DOCK1: variants seen among roughly 807,000 people sequenced by gnomAD.
DOCK1 encodes dedicator of cytokinesis 1.
Under a neutral mutation model 262.7 loss-of-function variants are expected in DOCK1, and 138 were observed. That is an observed-to-expected ratio of 0.53 (90% CI 0.46 to 0.61). The LOEUF is 0.61. Ranked by LOEUF, DOCK1 falls within the 20% of genes least tolerant of loss-of-function variation. The probability of loss-of-function intolerance (pLI) is 0.00; values close to 1 mark genes in which losing one functional copy is unlikely to be tolerated. For synonymous variants in DOCK1, 866 were observed against 867.4 expected (o/e 1.00, Z 0.03); for missense variants, 1,908 against 2,370.7 (o/e 0.80, Z 4.05).
chr10:127,378,874 G>C (rs897576500), intron 35 of DOCK1, among the ~76,000 whole-genome samples: 9 of 152,222 alleles, frequency 5.9e-5, no homozygotes, highest in Non-Finnish European at 1.3e-4. Flanking sequence ...TAAAGTGTCA[G>C]AGGCAACAGA....
chr10:127,156,001 A>G (rs1274604656), intron 27 of DOCK1, among the ~76,000 whole-genome samples: 1 of 152,216 alleles, frequency 6.6e-6, no homozygotes. Flanking sequence ...ACTTGTCTAT[A>G]TGTGCTAGTC....
At chr10:127,260,811 G>GTA in intron 29 of DOCK1, among the ~76,000 whole-genome samples, 1 of 145,664 alleles carries the variant, frequency 6.9e-6, no homozygotes, top group African/African-American at 2.6e-5. Flanking sequence ...TCATCTGTGT[G>GTA]TCCCTGCATG....
intron 27 of DOCK1, chr10:127,137,179 G>GT (rs1564830660): frequency 6.6e-6 from 1 of 152,654 alleles, no homozygotes; most frequent in Admixed American, 6.5e-5. Context: ...TAAACATGTC[G>GT]TAAGTCTGGA....
intron 27 of DOCK1, among the ~76,000 whole-genome samples, chr10:127,181,455 A>G (rs530187676): frequency 6.6e-6 from 1 of 152,326 alleles, no homozygotes; most frequent in African/African-American, 2.4e-5. Context: ...GTGGGGGAAG[A>G]TGCAGGCAGC....
At chr10:127,251,654 A>G (rs1240360308) in intron 28 of DOCK1, among the ~76,000 whole-genome samples, 6 of 150,132 alleles carry the variant, frequency 4.0e-5, no homozygotes, top group Non-Finnish European at 7.4e-5. Flanking sequence ...TCCTTGCAAT[A>G]GTTTACTGAG....
chr10:127,003,194 A>C (rs564113995), intron 10 of DOCK1, among the ~76,000 whole-genome samples: 27 of 149,586 alleles, frequency 1.8e-4, no homozygotes, highest in African/African-American at 6.1e-4. Context: ...ACATGTGTGA[A>C]CCTGCATGAA....
rs1342489237 is a variant in DOCK1 at position 126,948,410 on chromosome 10, T to G, written c.47-22292T>G. On this transcript the variant is annotated intron_variant, in intron 1 of 51. Coordinates refer to ENST00000623213, the MANE Select transcript of DOCK1 (RefSeq NM_001290223.2). ...ATGGTGGTGGTTGGTAGTATTACTG[T>G]TGGTGGTGATGGTGGTGGTGGTGGT... 1.3e-4 allele frequency among the ~76,000 whole-genome samples: 4 copies of G among 30,630 alleles called. 1 individual carries two copies. The East Asian group carries it at 2.3e-3, about 18-fold the overall frequency. 20.1% of individuals were successfully genotyped at this position (30,630 alleles called of 152,430 possible). A position where few individuals can be genotyped will look rare whatever the true frequency, so the allele number is the denominator to read the frequency against.
chr10:126,909,404 G>C (rs2133998964), intron 1 of DOCK1, among the ~76,000 whole-genome samples: 1 of 152,338 alleles, frequency 6.6e-6, no homozygotes, highest in East Asian at 1.9e-4. Flanking sequence ...GTGGAACTGA[G>C]ATAATACATT....
At chr10:127,174,336 A>G (rs995226976) in intron 27 of DOCK1, among the ~76,000 whole-genome samples, 7 of 152,166 alleles carry the variant, frequency 4.6e-5, no homozygotes, top group African/African-American at 1.7e-4. Context: ...ATCCAGGCGA[A>G]GTCCGATAAC....
intron 4 of DOCK1, among the ~76,000 whole-genome samples, chr10:126,986,274 T>A (rs1281008605): frequency 6.6e-6 from 1 of 152,130 alleles, no homozygotes; most frequent in African/African-American, 2.4e-5. Flanking sequence ...TGCTTTGGGA[T>A]CCTCCCCTCC....
intron 29 of DOCK1, among the ~76,000 whole-genome samples, chr10:127,317,809 CTGTTCTTGG>C (rs1420656079): frequency 2.0e-5 from 3 of 152,162 alleles, no homozygotes; most frequent in Middle Eastern, 3.2e-3. Context: ...AGTGCCTTGC[CTGTTCTTGG>C]TGTTCTTGGA....
chr10:127,030,670 G>C (rs1453789408), intron 16 of DOCK1, among the ~76,000 whole-genome samples: 1 of 152,146 alleles, frequency 6.6e-6, no homozygotes, highest in Non-Finnish European at 1.5e-5. Flanking sequence ...TTGGGCACCA[G>C]GCTCTATTTC....
intron 13 of DOCK1, among the ~76,000 whole-genome samples, chr10:127,022,897 A>G (rs1489258610): frequency 1.3e-5 from 2 of 152,126 alleles, no homozygotes; most frequent in Non-Finnish European, 2.9e-5. Flanking sequence ...GATGCCATCA[A>G]TAGTATTGGA....
intron 30 of DOCK1, among the ~76,000 whole-genome samples, chr10:127,341,006 G>T (rs2063401244): frequency 1.3e-5 from 2 of 152,008 alleles, no homozygotes; most frequent in African/African-American, 4.8e-5. Context: ...GTTTTACTTG[G>T]CAAATCTCTC....
intron 29 of DOCK1, among the ~76,000 whole-genome samples, chr10:127,305,659 C>A (rs1404147610): frequency 6.6e-6 from 1 of 152,184 alleles, no homozygotes; most frequent in Non-Finnish European, 1.5e-5. Flanking sequence ...AGCCTCAACA[C>A]AGATCCTCAG....
intron 29 of DOCK1, among the ~76,000 whole-genome samples, chr10:127,334,866 G>A (rs976910500): frequency 6.6e-6 from 1 of 152,132 alleles, no homozygotes; most frequent in Non-Finnish European, 1.5e-5. Flanking sequence ...TTCCCCCTGA[G>A]TTTCTGGCAT....
At position 127,395,653 on chromosome 10, in the gene DOCK1, G is replaced by A. The variant is rs2066779657; in HGVS notation, c.3928-7402G>A. Among the ~76,000 whole-genome samples the A allele has an allele frequency of 2.0e-5, 3 of 152,168 alleles. No homozygotes were observed. The South Asian group carries it at 6.2e-4, about 31-fold the overall frequency. ...TTCAGGGGGTAATTCTGGCAACATG[G>A]TGGCAGCAGACTTAGAGGAGGGAGG... On this transcript the variant is annotated intron_variant, in intron 38 of 51. Coordinates refer to ENST00000623213, the MANE Select transcript of DOCK1 (RefSeq NM_001290223.2).
chr10:127,014,814 A>C (rs1305602507), intron 12 of DOCK1: 1 of 152,294 alleles, frequency 6.6e-6, no homozygotes, highest in Non-Finnish European at 1.5e-5. Flanking sequence ...GCTGGGGGTT[A>C]GGGTGAGGAA....
chr10:127,020,549 CAG>C (rs2042341304), intron 13 of DOCK1, among the ~76,000 whole-genome samples: 1 of 148,422 alleles, frequency 6.7e-6, no homozygotes, highest in African/African-American at 2.5e-5. Flanking sequence ...GCTTGAGTGA[CAG>C]AGAGAGAACC....
Sources: gnomAD v4.1 joint callset for allele counts (sites outside exome capture counted in the v4.1 genomes callset) on GRCh38, gnomAD v4.1.1 for gene constraint, MANE v1.5 for transcripts, NCBI Gene and HGNC (gene_info 2026-07-23, HGNC 2026-07-21) for gene names.